Variants in BRD1 observed in about 807,000 individuals in gnomAD.
BRD1 encodes bromodomain-containing protein 1.
A neutral mutation model predicts 107.7 loss-of-function variants in BRD1; 24 were observed. The observed-to-expected ratio is 0.22, with a 90% CI of 0.16 to 0.31. The LOEUF (loss-of-function observed/expected upper bound fraction) is 0.31, where lower values mean the gene tolerates loss of function less well. Among genes scored for constraint, BRD1 ranks in the 10% least tolerant of loss-of-function variants. The pLI, the probability that BRD1 is intolerant of heterozygous loss-of-function variation, is 1.00. For missense variants in BRD1, 1,279 were observed against 1,638.6 expected, an observed-to-expected ratio of 0.78 and a Z score of 3.79; for synonymous variants, 744 against 686.1, an observed-to-expected ratio of 1.08 and a Z score of -1.32.
chr22:49,820,373 G>A (rs138877), intron 2 of BRD1, among the ~76,000 whole-genome samples: 144,203 of 152,178 alleles, frequency 0.95, 68,403 homozygotes, highest in East Asian at 1. Context: ...GTCCTACACC[G>A]GAGCCATTGG....
intron 7 of BRD1, among the ~76,000 whole-genome samples, chr22:49,791,861 A>G (rs887204309): frequency 1.3e-5 from 2 of 152,164 alleles, no homozygotes; most frequent in East Asian, 1.9e-4. Context: ...CTTTTCATCA[A>G]TTGAGTCATT....
intron 2 of BRD1, among the ~76,000 whole-genome samples, chr22:49,804,797 G>A (rs1696113761): frequency 6.6e-6 from 1 of 152,094 alleles, no homozygotes; most frequent in Non-Finnish European, 1.5e-5. Flanking sequence ...GTTGGTGTGA[G>A]CCGAAATCGC....
chr22:49,775,533 A>G (rs1601592757), intron 12 of BRD1, 58 bp downstream of exon 12: 59 of 1,316,438 alleles, frequency 4.5e-5, no homozygotes, highest in Non-Finnish European at 5.7e-5. Context: ...CAGGTCACCG[A>G]GCCCACGGCC....
chr22:49,799,725 G>A (rs973898112), intron 3 of BRD1, among the ~76,000 whole-genome samples: 17 of 152,308 alleles, frequency 1.1e-4, no homozygotes, highest in African/African-American at 2.4e-4. Context: ...AGAAGAGTGC[G>A]CCAGACAGCA....
intron 8 of BRD1, 33 bp from the exon 9 acceptor site, chr22:49,777,846 C>G: frequency 1.3e-6 from 2 of 1,574,416 alleles, no homozygotes; most frequent in Non-Finnish European, 1.7e-6. Context: ...CTGAGCTCAG[C>G]ACAACCAGGG....
rs576835916 is a variant in BRD1 at position 49,799,187 on chromosome 22, T to C, written c.1525-68A>G. Reference sequence around the variant, plus strand: ...CTTCTGCAAAAGGCCTCAGATACCATGCAGGTGAGACCCCAAGAGGCATCC... The same window carrying C: ...CTTCTGCAAAAGGCCTCAGATACCACGCAGGTGAGACCCCAAGAGGCATCC... On this transcript the variant is annotated intron_variant, in intron 3 of 12. Coordinates refer to ENST00000404760, the MANE Select transcript of BRD1 (RefSeq NM_001304808.3). The C allele has an allele frequency of 4.5e-6, 7 of 1,564,980 alleles. No homozygotes were observed. The South Asian group carries it at 5.8e-5, about 13-fold the overall frequency.
Position 49,787,518 on chromosome 22 carries a change from C to T in BRD1, c.2729G>A (p.Gly910Glu), listed in dbSNP as rs2059353390. Residue 910 changes from glycine (G) to glutamate (E), a missense_variant, in exon 8 of 13, where the codon GGG becomes GAG. Coordinates refer to ENST00000404760, the MANE Select transcript of BRD1 (RefSeq NM_001304808.3). ...GACTACAGACAAAAAGGTTTTGGTC[C>T]CTAGCTGAGGAGAAGTTGGCTGGGT... The part of the protein sequence containing the change: ...TETQPTSPQL[G>E]TKTFLSVVLP... The T allele has an allele frequency of 3.1e-6, 5 of 1,613,184 alleles. No individual in the cohort carries two copies. Among genetic ancestry groups the T allele is most frequent in the Non-Finnish European group, 4.2e-6 (5 of 1,179,580 alleles).
rs141431243 is a variant in BRD1, at chr22:49,774,374, G to A, written c.3429C>T (p.Asp1143=). 154 of 1,613,704 alleles carry A rather than the reference G, an allele frequency of 9.5e-5. No homozygotes were observed. Among genetic ancestry groups the A allele is most frequent in the South Asian group, 4.4e-4 (40 of 90,948 alleles). The part of the protein sequence containing the change: ...PKSKMVPLGI[D]ETIDKLKMME... Reference sequence around the variant, plus strand: ...TCATCTTTAACTTGTCTATAGTTTCGTCAATACCAAGGGGAACCATTTTGG... The same window carrying A: ...TCATCTTTAACTTGTCTATAGTTTCATCAATACCAAGGGGAACCATTTTGG... The change falls in exon 13 of 13, where the codon GAC becomes GAT. Residue 1143 remains aspartate, a synonymous_variant. Transcript: ENST00000404760.
At chr22:49,778,558 A>G (rs2059144452) in intron 8 of BRD1, among the ~76,000 whole-genome samples, 2 of 152,210 alleles carry the variant, frequency 1.3e-5, no homozygotes, top group South Asian at 4.1e-4. Flanking sequence ...GGGAAACAAC[A>G]CATCTGCCCA....
chr22:49,821,186 C>T (rs2060059129), intron 2 of BRD1, among the ~76,000 whole-genome samples: 3 of 152,290 alleles, frequency 2.0e-5, no homozygotes, highest in South Asian at 2.1e-4. Context: ...GAACAGAGAG[C>T]GTGCGGCCCG....
chr22:49,800,848 C>G (rs779057616), intron 3 of BRD1, among the ~76,000 whole-genome samples: 3 of 152,268 alleles, frequency 2.0e-5, no homozygotes, highest in Non-Finnish European at 4.4e-5. Context: ...CGGGAAGAAG[C>G]TGAGCGCCTC....
chr22:49,812,881 G>A (rs1370399342), intron 2 of BRD1, among the ~76,000 whole-genome samples: 3 of 148,626 alleles, frequency 2.0e-5, no homozygotes, highest in African/African-American at 2.5e-5. Flanking sequence ...CACTGTACAC[G>A]GACGCACCAA....
intron 2 of BRD1, among the ~76,000 whole-genome samples, chr22:49,810,442 C>T (rs2059828873): frequency 6.6e-6 from 1 of 152,162 alleles, no homozygotes; most frequent in South Asian, 2.1e-4. Context: ...ACATGTGACA[C>T]CAAAAGCACA....
At chr22:49,797,759 A>G in intron 6 of BRD1, 46 bp downstream of exon 6, 1 of 1,534,058 alleles carries the variant, frequency 6.5e-7, no homozygotes, top group Non-Finnish European at 8.7e-7. Context: ...AGAGTCTGCT[A>G]GAAAGAGCGT....
chr22:49,786,236 G>C (rs927069688), intron 8 of BRD1, among the ~76,000 whole-genome samples: 1 of 152,180 alleles, frequency 6.6e-6, no homozygotes, highest in African/African-American at 2.4e-5. Context: ...CTCCAGACAC[G>C]CTTCCAGAAA....
At chr22:49,807,436 T>A (rs780101162) in intron 2 of BRD1, among the ~76,000 whole-genome samples, 1 of 152,164 alleles carries the variant, frequency 6.6e-6, no homozygotes, top group Non-Finnish European at 1.5e-5. Context: ...ACCATGGGAA[T>A]AGCAGAGAAC....
chr22:49,821,367 C>A (rs2060062882), intron 2 of BRD1, among the ~76,000 whole-genome samples: 1 of 152,172 alleles, frequency 6.6e-6, no homozygotes, highest in Non-Finnish European at 1.5e-5. Flanking sequence ...AATACAAACC[C>A]TAGACTTTTT....
chr22:49,784,425 C>T (rs1320165160), intron 8 of BRD1, among the ~76,000 whole-genome samples: 7 of 152,240 alleles, frequency 4.6e-5, no homozygotes, highest in African/African-American at 1.7e-4. Context: ...TGCTGGTGAG[C>T]GTGCAGTCAC....
intron 3 of BRD1, among the ~76,000 whole-genome samples, chr22:49,800,558 TCTC>T (rs918661515): frequency 2.6e-5 from 4 of 152,136 alleles, no homozygotes; most frequent in African/African-American, 7.2e-5. Context: ...GCGGAAGAAA[TCTC>T]CTCATCACCA....
Sources: gnomAD v4.1 joint callset for allele counts (sites outside exome capture counted in the v4.1 genomes callset) on GRCh38, gnomAD v4.1.1 for gene constraint, MANE v1.5 for transcripts, NCBI Gene and HGNC (gene_info 2026-07-23, HGNC 2026-07-21) for gene names.